The following TNFSF13 variants were observed in gnomAD, a reference collection of about 807,000 sequenced individuals.
TNFSF13 encodes TNF superfamily member 13, also known as tumor necrosis factor ligand superfamily member 13.
A neutral mutation model predicts 30.7 loss-of-function variants in TNFSF13; 18 were observed. That is an observed-to-expected ratio of 0.59 (90% CI 0.41 to 0.87). The LOEUF (loss-of-function observed/expected upper bound fraction) is 0.87, where lower values mean the gene tolerates loss of function less well. Among genes scored for constraint, TNFSF13 ranks in the 40% least tolerant of loss-of-function variants. The probability of loss-of-function intolerance (pLI) is 0.00; values close to 1 mark genes in which losing one functional copy is unlikely to be tolerated. For synonymous variants in TNFSF13, 116 were observed against 123.2 expected (o/e 0.94, Z 0.39); for missense variants, 286 against 308.8 (o/e 0.93, Z 0.55).
rs1371861841 is a variant in TNFSF13 at position 7,561,274 on chromosome 17, A to C, written c.*441A>C. On this transcript the variant is annotated 3_prime_UTR_variant, in exon 6 of 6. Coordinates refer to ENST00000338784, the MANE Select transcript of TNFSF13 (RefSeq NM_003808.4). This position sits in a 1 kb window ranked among gnomAD's most constrained non-coding sequence, Gnocchi z 4.4. ...CCCTCTGCCTCTTCACCCCACAAGA[A>C]GCCTTATCCTACGTCCTTCTCTCCA... 1.8e-6 allele frequency: 1 copy of C among 564,322 alleles called. No individual in the cohort carries two copies. Among genetic ancestry groups the C allele is most frequent in the Non-Finnish European group, 3.2e-6 (1 of 315,444 alleles). 35.0% of individuals were successfully genotyped at this position (564,322 alleles called of 1,614,324 possible). A position where few individuals can be genotyped will look rare whatever the true frequency, so the allele number is the denominator to read the frequency against.
Position 7,558,894 on chromosome 17 carries a change from C to A in TNFSF13, c.-146C>A. 1 of 1,033,436 alleles carries A rather than the reference C, an allele frequency of 9.7e-7. No homozygotes were observed. Among genetic ancestry groups the A allele is most frequent in the East Asian group, 2.7e-5 (1 of 36,524 alleles). The allele number at this position is 1,033,436 out of a possible 1,614,324, so 64.0% of individuals were successfully genotyped here. On this transcript the variant is annotated 5_prime_UTR_variant, in exon 1 of 6. Transcript: ENST00000338784. This position sits in a 1 kb window ranked among gnomAD's most constrained non-coding sequence, Gnocchi z 4.3. ...TACCCTTAGCTTGCTTTCCTCCTCC[C>A]TCCTTTTTATTTTCAAGTTCCTTTT... is the stretch of plus-strand genomic sequence containing the variant.
rs771590701 is a variant in TNFSF13 at position 7,559,215 on chromosome 17, G to A, written c.176G>A (p.Arg59Lys). 1.2e-5 allele frequency: 19 copies of A among 1,611,878 alleles called. No homozygotes were observed. Among genetic ancestry groups the A allele is most frequent in the Non-Finnish European group, 1.5e-5 (18 of 1,179,682 alleles). Residue 59 changes from arginine to lysine, a missense_variant, in exon 1 of 6, where the codon AGG becomes AAG. Coordinates refer to ENST00000338784, the MANE Select transcript of TNFSF13 (RefSeq NM_003808.4). The surrounding 1 kb of genome is among the most constrained non-coding windows in gnomAD (Gnocchi z 5.4). ...CAACAAACAGAGCTGCAGAGCCTCAGGAGAGAGGTGAGCCGGCTGCAGGGG... is the reference window on the plus strand; with the variant it reads ...CAACAAACAGAGCTGCAGAGCCTCAAGAGAGAGGTGAGCCGGCTGCAGGGG... ...LTQQTELQSL[R>K]REVSRLQGTG...
In TNFSF13 at chr17:7,559,219, A is replaced by G. The variant is rs2071126211; in HGVS notation, c.180A>G (p.Arg60=). Residue 60 remains arginine, a synonymous_variant, in exon 1 of 6, where the codon AGA becomes AGG. Transcript: ENST00000338784. The surrounding 1 kb of genome is among the most constrained non-coding windows in gnomAD (Gnocchi z 5.4). ...TQQTELQSLR[R]EVSRLQGTGG... ...AAACAGAGCTGCAGAGCCTCAGGAG[A>G]GAGGTGAGCCGGCTGCAGGGGACAG... is the stretch of plus-strand genomic sequence containing the variant. 1.9e-6 allele frequency: 3 copies of G among 1,611,588 alleles called. No individual in the cohort carries two copies. The South Asian group carries it at 3.3e-5, about 18-fold the overall frequency.
Position 7,559,197 on chromosome 17 carries a change from C to CA in TNFSF13, c.159dup (p.Glu54ArgfsTer71). 1 of 1,612,474 alleles carries CA rather than the reference C, an allele frequency of 6.2e-7. No individual in the cohort carries two copies. Among genetic ancestry groups the CA allele is most frequent in the South Asian group, 1.1e-5 (1 of 91,026 alleles). On this transcript the variant is annotated frameshift_variant, in exon 1 of 6. Transcript: ENST00000338784. LOFTEE classifies it high-confidence loss of function. The surrounding 1 kb of genome is among the most constrained non-coding windows in gnomAD (Gnocchi z 5.4). ...GCCATGGCTCTGCTGACCCAACAAA[C>CA]AGAGCTGCAGAGCCTCAGGAGAGAG...
Position 7,561,349 on chromosome 17 carries a change from G to A in TNFSF13, c.*516G>A, listed in dbSNP as rs1005165032. The A allele has an allele frequency of 3.0e-6, 1 of 331,790 alleles. No homozygotes were observed. 20.6% of individuals were successfully genotyped at this position (331,790 alleles called of 1,614,324 possible). A position where few individuals can be genotyped will look rare whatever the true frequency, so the allele number is the denominator to read the frequency against. ...CTATCTCCAGAGATGTAGCTATTATGCGCCCGTCTACAGGGGGTGCCCGAC... is the reference window on the plus strand; with the variant it reads ...CTATCTCCAGAGATGTAGCTATTATACGCCCGTCTACAGGGGGTGCCCGAC... On this transcript the variant is annotated 3_prime_UTR_variant, in exon 6 of 6. Transcript: ENST00000338784. This position sits in a 1 kb window ranked among gnomAD's most constrained non-coding sequence, Gnocchi z 4.4.
Position 7,558,920 on chromosome 17 carries a change from T to A in TNFSF13, c.-120T>A. The A allele has an allele frequency of 8.4e-7, 1 of 1,188,690 alleles. No homozygotes were observed. Among genetic ancestry groups the A allele is most frequent in the Non-Finnish European group, 1.1e-6 (1 of 895,644 alleles). The allele number at this position is 1,188,690 out of a possible 1,614,324, so 73.6% of individuals were successfully genotyped here. ...TCCTTTTTATTTTCAAGTTCCTTTT[T>A]ATTTCTCCTTGCGTAACAACCTTCT... On this transcript the variant is annotated 5_prime_UTR_variant, in exon 1 of 6. Coordinates refer to ENST00000338784, the MANE Select transcript of TNFSF13 (RefSeq NM_003808.4). The surrounding 1 kb of genome is among the most constrained non-coding windows in gnomAD (Gnocchi z 4.3).
Position 7,559,151 on chromosome 17 carries a change from G to T in TNFSF13, c.112G>T (p.Ala38Ser), listed in dbSNP as rs201860460. Reference sequence around the variant, plus strand: ...TGCCCTCTGGTTGAGTTGGGGGGCAGCTCTGGGGGCCGTGGCTTGTGCCAT... The same window carrying T: ...TGCCCTCTGGTTGAGTTGGGGGGCATCTCTGGGGGCCGTGGCTTGTGCCAT... ...SVALWLSWGAALGAVACAMAL... is the reference protein window; with the variant it reads ...SVALWLSWGASLGAVACAMAL... Residue 38 changes from alanine to serine, a missense_variant, in exon 1 of 6, where the codon GCT becomes TCT. Coordinates refer to ENST00000338784, the MANE Select transcript of TNFSF13 (RefSeq NM_003808.4). The surrounding 1 kb of genome is among the most constrained non-coding windows in gnomAD (Gnocchi z 5.4). 4.3e-5 allele frequency: 69 copies of T among 1,612,540 alleles called. No homozygotes were observed. The East Asian group carries it at 1.5e-3, about 36-fold the overall frequency.
Position 7,559,428 on chromosome 17 carries a change from C to A in TNFSF13, c.258+131C>A. 7.0e-7 allele frequency: 1 copy of A among 1,421,446 alleles called. No homozygotes were observed. The highest frequency in any genetic ancestry group is 9.3e-7 in the Non-Finnish European group (1 of 1,071,562). 88.1% of individuals were successfully genotyped at this position (1,421,446 alleles called of 1,614,324 possible). A position where few individuals can be genotyped will look rare whatever the true frequency, so the allele number is the denominator to read the frequency against. On this transcript the variant is annotated intron_variant, in intron 1 of 5. Transcript: ENST00000338784. The surrounding 1 kb of genome is among the most constrained non-coding windows in gnomAD (Gnocchi z 5.4). ...TTGGAAGTCAGGGGCGCGGCCATTC[C>A]AGGAAAGGAAACTGTTAAAGGTTAA...
chr17:7,559,755 T>C lies in TNFSF13; in HGVS notation c.337+53T>C, dbSNP rs367682091. 91 of 1,613,568 alleles carry C rather than the reference T, an allele frequency of 5.6e-5. No individual in the cohort carries two copies. The African/African-American group carries it at 6.8e-4, about 12-fold the overall frequency. On this transcript the variant is annotated intron_variant, in intron 2 of 5. Transcript: ENST00000338784. The surrounding 1 kb of genome is among the most constrained non-coding windows in gnomAD (Gnocchi z 5.4). ...GGGAGGTGATCAAGCAGCGTGGGGA[T>C]TGTAAGCCCGAGTCAGGGTGAGGGT...
Position 7,559,751 on chromosome 17 carries a change from G to A in TNFSF13, c.337+49G>A, listed in dbSNP as rs1209799912. On this transcript the variant is annotated intron_variant, in intron 2 of 5. Coordinates refer to ENST00000338784, the MANE Select transcript of TNFSF13 (RefSeq NM_003808.4). The surrounding 1 kb of genome is among the most constrained non-coding windows in gnomAD (Gnocchi z 5.4). The stretch of plus-strand genomic sequence containing the variant: ...GGGTGGGAGGTGATCAAGCAGCGTG[G>A]GGATTGTAAGCCCGAGTCAGGGTGA... 2 of 1,613,916 alleles carry A rather than the reference G, an allele frequency of 1.2e-6. No individual in the cohort carries two copies. The highest frequency in any genetic ancestry group is 1.3e-5 in the African/African-American group (1 of 74,992).
Position 7,561,470 on chromosome 17 carries a change from T to C in TNFSF13, c.*637T>C, listed in dbSNP as rs2150916541. The C allele has an allele frequency of 9.4e-6, 2 of 211,816 alleles. No individual in the cohort carries two copies. Among genetic ancestry groups the C allele is most frequent in the South Asian group, 6.1e-5 (1 of 16,478 alleles). 13.1% of individuals were successfully genotyped at this position (211,816 alleles called of 1,614,324 possible). A position where few individuals can be genotyped will look rare whatever the true frequency, so the allele number is the denominator to read the frequency against. On this transcript the variant is annotated 3_prime_UTR_variant, in exon 6 of 6. Transcript: ENST00000338784. The surrounding 1 kb of genome is among the most constrained non-coding windows in gnomAD (Gnocchi z 4.4). ...CGGCGTGGCAGGCCATTCCAAGCCCTTCCGGGCTGGAACTGGTGTCGGAGG... is the reference window on the plus strand; with the variant it reads ...CGGCGTGGCAGGCCATTCCAAGCCCCTCCGGGCTGGAACTGGTGTCGGAGG...
chr17:7,559,779 G>C lies in TNFSF13; in HGVS notation c.338-67G>C, dbSNP rs1299698888. Reference sequence around the variant, plus strand: ...ATTGTAAGCCCGAGTCAGGGTGAGGGTGGAGGCTGCCAACAGCACAACGGG... The same window carrying C: ...ATTGTAAGCCCGAGTCAGGGTGAGGCTGGAGGCTGCCAACAGCACAACGGG... On this transcript the variant is annotated intron_variant, in intron 2 of 5. Coordinates refer to ENST00000338784, the MANE Select transcript of TNFSF13 (RefSeq NM_003808.4). The surrounding 1 kb of genome is among the most constrained non-coding windows in gnomAD (Gnocchi z 5.4). 1 of 1,613,930 alleles carries C rather than the reference G, an allele frequency of 6.2e-7. No individual in the cohort carries two copies. The highest frequency in any genetic ancestry group is 2.2e-5 in the East Asian group (1 of 44,896).
In TNFSF13 at chr17:7,561,303, A is replaced by G; in HGVS notation, c.*470A>G. 4.1e-6 allele frequency: 2 copies of G among 493,268 alleles called. No homozygotes were observed. Among genetic ancestry groups the G allele is most frequent in the Non-Finnish European group, 7.3e-6 (2 of 273,166 alleles). The allele number at this position is 493,268 out of a possible 1,614,324, so 30.6% of individuals were successfully genotyped here. A position where few individuals can be genotyped will look rare whatever the true frequency, so the allele number is the denominator to read the frequency against. On this transcript the variant is annotated 3_prime_UTR_variant, in exon 6 of 6. Transcript: ENST00000338784. This position sits in a 1 kb window ranked among gnomAD's most constrained non-coding sequence, Gnocchi z 4.4. ...TTATCCTACGTCCTTCTCTCCATCT[A>G]TCGGACCCCAGTTTCCATCACTATC...
Position 7,558,811 on chromosome 17 carries a change from G to A in TNFSF13, c.-229G>A, listed in dbSNP as rs2071114766. 18 of 400,936 alleles carry A rather than the reference G, an allele frequency of 4.5e-5. No individual in the cohort carries two copies. The East Asian group carries it at 6.1e-4, about 14-fold the overall frequency. The allele number at this position is 400,936 out of a possible 1,614,324, so 24.8% of individuals were successfully genotyped here. A position where few individuals can be genotyped will look rare whatever the true frequency, so the allele number is the denominator to read the frequency against. On this transcript the variant is annotated 5_prime_UTR_variant, in exon 1 of 6. Coordinates refer to ENST00000338784, the MANE Select transcript of TNFSF13 (RefSeq NM_003808.4). The surrounding 1 kb of genome is among the most constrained non-coding windows in gnomAD (Gnocchi z 4.3). ...ACCTAATTCTCCTGAGGCTGAGGGA[G>A]GGTGGAGGGTCTCAAGGCAACGCTG...
intron 5 of TNFSF13, 94 bp downstream of exon 5, chr17:7,560,582 C>T (rs2071179339): frequency 1.9e-6 from 3 of 1,608,172 alleles, no homozygotes; most frequent in Non-Finnish European, 2.5e-6. Flanking sequence ...GAAACCTAAA[C>T]AGAGGCGGGT....
chr17:7,559,712 C>T lies in TNFSF13; in HGVS notation c.337+10C>T, dbSNP rs377282740. The T allele has an allele frequency of 3.8e-5, 62 of 1,613,828 alleles. No homozygotes were observed. In the African/African-American group the frequency reaches 6.5e-4, roughly 17 times the overall value. ...ACCCAAAAACAGAAGAGTGAGGCTT[C>T]CAGGGTGCAGCAGGGGTGGGAGGTG... On this transcript the variant is annotated intron_variant, in intron 2 of 5. Transcript: ENST00000338784. This position sits in a 1 kb window ranked among gnomAD's most constrained non-coding sequence, Gnocchi z 5.4.
chr17:7,559,361 G>C lies in TNFSF13; in HGVS notation c.258+64G>C. The C allele has an allele frequency of 6.7e-7, 1 of 1,497,624 alleles. No individual in the cohort carries two copies. Among genetic ancestry groups the C allele is most frequent in the Non-Finnish European group, 8.9e-7 (1 of 1,122,238 alleles). 92.8% of individuals were successfully genotyped at this position (1,497,624 alleles called of 1,614,324 possible). The stretch of plus-strand genomic sequence containing the variant: ...AGCATGGGGGGTCTCTGGGCCTCCT[G>C]GTCTGCAAAGTTTCAAGGGGGTGCA... On this transcript the variant is annotated intron_variant, in intron 1 of 5. Coordinates refer to ENST00000338784, the MANE Select transcript of TNFSF13 (RefSeq NM_003808.4). The surrounding 1 kb of genome is among the most constrained non-coding windows in gnomAD (Gnocchi z 5.4).
At position 7,560,059 on chromosome 17, in the gene TNFSF13, T is replaced by C. The variant is rs2071157324; in HGVS notation, c.396T>C (p.Asp132=). The change falls in exon 4 of 6, where the codon GAT becomes GAC. Residue 132 remains aspartate (D), a synonymous_variant. Transcript: ENST00000338784. ...CACTCTCACCTCCAGATGACTCCGA[T>C]GTGACAGAGGTGATGTGGCAACCAG... ...PINATSKDDS[D]VTEVMWQPAL... 2.5e-6 allele frequency: 4 copies of C among 1,614,084 alleles called. No homozygotes were observed. Among genetic ancestry groups the C allele is most frequent in the Non-Finnish European group, 2.5e-6 (3 of 1,180,004 alleles).
In TNFSF13 at chr17:7,559,448, G is replaced by C; in HGVS notation, c.258+151G>C. 7.1e-7 allele frequency: 1 copy of C among 1,404,494 alleles called. No homozygotes were observed. Among genetic ancestry groups the C allele is most frequent in the Non-Finnish European group, 9.5e-7 (1 of 1,053,644 alleles). The allele number at this position is 1,404,494 out of a possible 1,614,324, so 87.0% of individuals were successfully genotyped here. A position where few individuals can be genotyped will look rare whatever the true frequency, so the allele number is the denominator to read the frequency against. Reference sequence around the variant, plus strand: ...CATTCCAGGAAAGGAAACTGTTAAAGGTTAATGCTTCTCATACCTAACAAA... The same window carrying C: ...CATTCCAGGAAAGGAAACTGTTAAACGTTAATGCTTCTCATACCTAACAAA... On this transcript the variant is annotated intron_variant, in intron 1 of 5. Coordinates refer to ENST00000338784, the MANE Select transcript of TNFSF13 (RefSeq NM_003808.4). The surrounding 1 kb of genome is among the most constrained non-coding windows in gnomAD (Gnocchi z 5.4).
Sources: allele counts gnomAD v4.1 joint callset, GRCh38; gene constraint gnomAD v4.1.1; non-coding constraint Gnocchi (gnomAD v3.1); transcripts MANE v1.5; gene names NCBI Gene and HGNC (gene_info 2026-07-23, HGNC 2026-07-21).